The following SLC17A6 variants were observed in gnomAD, a reference collection of about 807,000 sequenced individuals.
The protein encoded by SLC17A6 is solute carrier family 17 member 6, also known as vesicular glutamate transporter 2.
Under a neutral mutation model 67.1 loss-of-function variants are expected in SLC17A6, and 35 were observed. The ratio of observed to expected loss-of-function variants is 0.52; its 90% CI spans 0.40 to 0.69. The LOEUF is 0.69. Among genes scored for constraint, SLC17A6 ranks in the 30% least tolerant of loss-of-function variants. The pLI, the probability that SLC17A6 is intolerant of heterozygous loss-of-function variation, is 0.00. For missense variants in SLC17A6, 588 were observed against 723.9 expected (o/e 0.81, Z 2.15); for synonymous variants, 285 against 252.3 (o/e 1.13, Z -1.23).
chr11:22,375,889 C>T, intron 9 of SLC17A6, 93 bp from the exon 10 acceptor site: 1 of 722,318 alleles, frequency 1.4e-6, no homozygotes, highest in Non-Finnish European at 2.4e-6. Context: ...AGTGGAATTT[C>T]TAGGTCAATA....
chr11:22,351,226 GCAGA>G (rs890485576), intron 3 of SLC17A6, among the ~76,000 whole-genome samples: 98 of 152,070 alleles, frequency 6.4e-4, no homozygotes, highest in African/African-American at 2.2e-3. Context: ...ACTCTATAAG[GCAGA>G]CATTCTTTCT....
chr11:22,348,846 A>G (rs1190478845), intron 3 of SLC17A6, among the ~76,000 whole-genome samples: 1 of 152,246 alleles, frequency 6.6e-6, no homozygotes, highest in Admixed American at 6.5e-5. Flanking sequence ...ATCTCTTGTT[A>G]GAATAATTTT....
chr11:22,341,381 T>A (rs1354816804), intron 1 of SLC17A6, 147 bp from the exon 2 acceptor site: 4 of 1,193,604 alleles, frequency 3.4e-6, no homozygotes, highest in African/African-American at 1.5e-5. Flanking sequence ...TGCAGCTTGG[T>A]GTCACCCCAC....
chr11:22,348,175 G>A (rs926457856), intron 3 of SLC17A6, among the ~76,000 whole-genome samples: 1 of 152,106 alleles, frequency 6.6e-6, no homozygotes, highest in Non-Finnish European at 1.5e-5. Context: ...ATGATGGCAA[G>A]GTACCTTTAC....
At chr11:22,376,187 A>G (rs1433688214) in intron 10 of SLC17A6, 95 bp downstream of exon 10, 1 of 688,562 alleles carries the variant, frequency 1.5e-6, no homozygotes, top group Non-Finnish European at 2.4e-6. Flanking sequence ...ATATCTTCAT[A>G]TATATATTCT....
At position 22,343,449 on chromosome 11, in the gene SLC17A6, G is replaced by A. The variant is rs191968835; in HGVS notation, c.458+84G>A. ...AGCAGAAGCTGGAGCAGAGACAACA[G>A]CCCAGAGGGGTTTGAGGACTCCCGG... On this transcript the variant is annotated intron_variant, in intron 3 of 11. Transcript: ENST00000263160. 894 of 1,193,450 alleles carry A rather than the reference G, an allele frequency of 7.5e-4. 4 individuals are homozygous for A. The African/African-American group carries it at 0.012, about 17-fold the overall frequency. The allele number at this position is 1,193,450 out of a possible 1,614,324, so 73.9% of individuals were successfully genotyped here.
intron 3 of SLC17A6, among the ~76,000 whole-genome samples, chr11:22,350,709 C>G (rs1855928193): frequency 6.6e-6 from 1 of 152,136 alleles, no homozygotes; most frequent in African/African-American, 2.4e-5. Flanking sequence ...GACTTATATT[C>G]ACACCAGAAG....
In SLC17A6 at chr11:22,374,901, T is replaced by C; in HGVS notation, c.1174+14T>C. ...TGAATTGTGGTGGTAAGTACATAAG[T>C]GGCACTAAGGACATGTTTTTAGTTC... is the stretch of plus-strand genomic sequence containing the variant. On this transcript the variant is annotated intron_variant, in intron 9 of 11. Coordinates refer to ENST00000263160, the MANE Select transcript of SLC17A6 (RefSeq NM_020346.3). The C allele has an allele frequency of 6.2e-7, 1 of 1,604,622 alleles. No individual in the cohort carries two copies. Among genetic ancestry groups the C allele is most frequent in the Non-Finnish European group, 8.5e-7 (1 of 1,176,430 alleles).
chr11:22,342,885 G>T (rs1229167540), intron 2 of SLC17A6: 1 of 460,834 alleles, frequency 2.2e-6, no homozygotes, highest in South Asian at 1.6e-5. Flanking sequence ...TTCGTTAAGT[G>T]GACCCCTGAC....
intron 3 of SLC17A6, among the ~76,000 whole-genome samples, chr11:22,347,615 C>T (rs748399657): frequency 1.1e-4 from 16 of 152,074 alleles, no homozygotes; most frequent in Non-Finnish European, 2.2e-4. Flanking sequence ...GATAAAAATG[C>T]CTTTTTTCAT....
At chr11:22,374,212 A>G (rs893359762) in intron 8 of SLC17A6, among the ~76,000 whole-genome samples, 1 of 152,166 alleles carries the variant, frequency 6.6e-6, no homozygotes, top group African/African-American at 2.4e-5. Context: ...AATGTGATCA[A>G]GTATTGATAT....
At chr11:22,362,973 G>A in intron 6 of SLC17A6, 148 bp downstream of exon 6, 1 of 616,970 alleles carries the variant, frequency 1.6e-6, no homozygotes, top group Non-Finnish European at 2.8e-6. Flanking sequence ...TGTATTCTGA[G>A]AGGATTAGGA....
At position 22,338,513 on chromosome 11, in the gene SLC17A6, C is replaced by T; in HGVS notation, c.-21C>T. 1.3e-6 allele frequency: 2 copies of T among 1,566,446 alleles called. No homozygotes were observed. The highest frequency in any genetic ancestry group is 1.8e-6 in the Non-Finnish European group (2 of 1,137,320). ...AATCACTATTTAAATCTGGCAAGAA[C>T]TGACAACAGTCTTTGCAAGAATGGA... On this transcript the variant is annotated 5_prime_UTR_variant, in exon 1 of 12. Coordinates refer to ENST00000263160, the MANE Select transcript of SLC17A6 (RefSeq NM_020346.3).
intron 9 of SLC17A6, 83 bp downstream of exon 9, chr11:22,374,970 T>C (rs996913995): frequency 1.5e-6 from 2 of 1,298,842 alleles, no homozygotes; most frequent in Admixed American, 2.6e-5. Context: ...TCTACACATA[T>C]CAAATTACTT....
intron 7 of SLC17A6, among the ~76,000 whole-genome samples, chr11:22,367,005 G>GAAAAA (rs376547104): frequency 2.5e-5 from 2 of 78,828 alleles, no homozygotes; most frequent in East Asian, 3.8e-4. Context: ...ACTCCGTCTC[G>GAAAAA]AAAAAAAAAA....
intron 3 of SLC17A6, among the ~76,000 whole-genome samples, chr11:22,358,984 A>G (rs4922997): frequency 0.028 from 4,191 of 152,290 alleles, 199 homozygotes; most frequent in African/African-American, 0.093. Context: ...TATTTCCAGT[A>G]ACTCTTCAGT....
intron 3 of SLC17A6, among the ~76,000 whole-genome samples, chr11:22,356,097 G>A (rs572687094): frequency 2.6e-5 from 4 of 152,078 alleles, no homozygotes; most frequent in Non-Finnish European, 5.9e-5. Flanking sequence ...TTTTTTTCTT[G>A]GCCACACTTT....
rs761293110 is a variant in SLC17A6 at position 22,339,777 on chromosome 11, G to C, written c.86+1158G>C. On this transcript the variant is annotated intron_variant, in intron 1 of 11. Coordinates refer to ENST00000263160, the MANE Select transcript of SLC17A6 (RefSeq NM_020346.3). The stretch of plus-strand genomic sequence containing the variant: ...TGTAGGCACGATTATGCACCTATGC[G>C]GCAGTAGATACCGCAAGGGCCCTGC... 2.6e-5 allele frequency among the ~76,000 whole-genome samples: 4 copies of C among 151,950 alleles called. 1 individual carries two copies. Among genetic ancestry groups the C allele is most frequent in the Non-Finnish European group, 5.9e-5 (4 of 67,990 alleles).
chr11:22,342,564 C>A (rs1285350677), intron 2 of SLC17A6, among the ~76,000 whole-genome samples: 5 of 152,096 alleles, frequency 3.3e-5, no homozygotes, highest in Non-Finnish European at 7.4e-5. Context: ...CCCAGTTTAC[C>A]TTGAGGTTCC....
Sources: allele counts gnomAD v4.1 joint callset (sites outside exome capture counted in the v4.1 genomes callset), GRCh38; gene constraint gnomAD v4.1.1; transcripts MANE v1.5; gene names NCBI Gene and HGNC (gene_info 2026-07-23, HGNC 2026-07-21).